SLC44A1: variants seen among roughly 807,000 people sequenced by gnomAD.
SLC44A1 encodes choline transporter-like protein 1.
Under a neutral mutation model 79.3 loss-of-function variants are expected in SLC44A1, and 26 were observed. The observed-to-expected ratio is 0.33, with a 90% CI of 0.24 to 0.46. The LOEUF (loss-of-function observed/expected upper bound fraction) is 0.46, where lower values mean the gene tolerates loss of function less well. Among genes scored for constraint, SLC44A1 ranks in the 20% least tolerant of loss-of-function variants. The pLI is 1.00. For synonymous variants in SLC44A1, 263 were observed against 286.2 expected (o/e 0.92, Z 0.82); for missense variants, 688 against 798.1 (o/e 0.86, Z 1.66).
At chr9:105,288,926 A>T (rs529126821) in intron 1 of SLC44A1, among the ~76,000 whole-genome samples, 1 of 152,352 alleles carries the variant, frequency 6.6e-6, no homozygotes, top group Admixed American at 6.5e-5. Context: ...GCTCAAAGAA[A>T]TCCTTCTTGA....
At chr9:105,286,296 G>T (rs1334921913) in intron 1 of SLC44A1, among the ~76,000 whole-genome samples, 1 of 152,128 alleles carries the variant, frequency 6.6e-6, no homozygotes, top group African/African-American at 2.4e-5. Flanking sequence ...CAACTGTCTG[G>T]TTCACATTCC....
intron 12 of SLC44A1, among the ~76,000 whole-genome samples, chr9:105,368,480 A>G (rs547231822): frequency 6.6e-6 from 1 of 152,074 alleles, no homozygotes; most frequent in African/African-American, 2.4e-5. Context: ...TTATTTTCTC[A>G]TCTGTTTCAT....
At chr9:105,288,930 T>G (rs1169602677) in intron 1 of SLC44A1, among the ~76,000 whole-genome samples, 1 of 152,164 alleles carries the variant, frequency 6.6e-6, no homozygotes, top group Non-Finnish European at 1.5e-5. Context: ...AAAGAAATCC[T>G]TCTTGAAAGA....
At chr9:105,421,189 G>C (rs1383903766) in intron 15 of SLC44A1, among the ~76,000 whole-genome samples, 3 of 152,070 alleles carry the variant, frequency 2.0e-5, no homozygotes, top group African/African-American at 7.2e-5. Context: ...TGTGATAAAT[G>C]GAATGCATTA....
intron 1 of SLC44A1, among the ~76,000 whole-genome samples, chr9:105,280,481 A>G (rs1830323681): frequency 6.6e-6 from 1 of 152,270 alleles, no homozygotes; most frequent in African/African-American, 2.4e-5. Flanking sequence ...GTAATAGTCT[A>G]CACATAGACC....
At chr9:105,287,966 A>T (rs535611388) in intron 1 of SLC44A1, among the ~76,000 whole-genome samples, 1 of 152,356 alleles carries the variant, frequency 6.6e-6, no homozygotes, top group South Asian at 2.1e-4. Context: ...CATAATCTGG[A>T]TAAATGGGAG....
intron 10 of SLC44A1, 106 bp from the exon 11 acceptor site, chr9:105,365,377 G>T: frequency 1.3e-6 from 1 of 767,664 alleles, no homozygotes; most frequent in Non-Finnish European, 2.1e-6. Flanking sequence ...AAATAAGAAT[G>T]ATGAGCTGAT....
At chr9:105,314,896 C>T (rs184722270) in intron 3 of SLC44A1, among the ~76,000 whole-genome samples, 1 of 152,258 alleles carries the variant, frequency 6.6e-6, no homozygotes, top group East Asian at 1.9e-4. Context: ...TAAAACAATC[C>T]TTGAGATCAT....
intron 15 of SLC44A1, among the ~76,000 whole-genome samples, chr9:105,424,618 G>A (rs1450405108): frequency 6.6e-6 from 1 of 152,104 alleles, no homozygotes; most frequent in Non-Finnish European, 1.5e-5. Flanking sequence ...ATCAACAATG[G>A]TGATAAATAA....
chr9:105,369,312 C>A (rs993297922), intron 12 of SLC44A1, among the ~76,000 whole-genome samples: 1 of 152,182 alleles, frequency 6.6e-6, no homozygotes, highest in Admixed American at 6.5e-5. Context: ...AAGGCACCAG[C>A]AAATTCAGTG....
chr9:105,378,120 C>T (rs1055384587), intron 13 of SLC44A1, among the ~76,000 whole-genome samples: 1 of 152,094 alleles, frequency 6.6e-6, no homozygotes, highest in African/African-American at 2.4e-5. Flanking sequence ...TATAGTGGTA[C>T]ATGCCTGTAA....
In SLC44A1 at chr9:105,394,393, C is replaced by G; in HGVS notation, c.*5337C>G. 1 of 981,166 alleles carries G rather than the reference C, an allele frequency of 1.0e-6. No homozygotes were observed. Among genetic ancestry groups the G allele is most frequent in the East Asian group, 1.2e-4 (1 of 8,602 alleles). The allele number at this position is 981,166 out of a possible 1,614,324, so 60.8% of individuals were successfully genotyped here. A position where few individuals can be genotyped will look rare whatever the true frequency, so the allele number is the denominator to read the frequency against. On this transcript the variant is annotated 3_prime_UTR_variant, in exon 16 of 16. Coordinates refer to ENST00000374720, the MANE Select transcript of SLC44A1 (RefSeq NM_080546.5). ...TGAATCTTCATGACAGTAAGATTTT[C>G]TTTCCTTGGAGGTATGAGGGTGTGT...
At chr9:105,363,621 T>C (rs113670898) in intron 9 of SLC44A1, among the ~76,000 whole-genome samples, 1 of 152,058 alleles carries the variant, frequency 6.6e-6, no homozygotes, top group African/African-American at 2.4e-5. Context: ...TGCACCACCA[T>C]GCCTGGCTAA....
chr9:105,435,504 T>G (rs989516355), intron 15 of SLC44A1, among the ~76,000 whole-genome samples: 1 of 151,580 alleles, frequency 6.6e-6, no homozygotes, highest in Non-Finnish European at 1.5e-5. Flanking sequence ...TGGGGGGAGG[T>G]CACAAGGCAC....
At chr9:105,323,935 C>T (rs750055426) in intron 3 of SLC44A1, among the ~76,000 whole-genome samples, 2 of 152,090 alleles carry the variant, frequency 1.3e-5, no homozygotes, top group African/African-American at 4.8e-5. Context: ...CCTTTTTTGC[C>T]CACTGCAGCC....
exon 16 of SLC44A1, chr9:105,438,442 A>G (rs1425393750): frequency 1.5e-6 from 1 of 649,348 alleles, no homozygotes; most frequent in African/African-American, 1.8e-5. Context: ...CAAACCACCA[A>G]CAGCCAAGTG....
intron 10 of SLC44A1, 74 bp downstream of exon 10, chr9:105,364,794 T>G: frequency 4.1e-5 from 42 of 1,013,748 alleles, no homozygotes; most frequent in Non-Finnish European, 6.1e-5. Context: ...GGGAAGGGAA[T>G]CAGACTGGGG....
At chr9:105,254,617 ACTT>A (rs1283658259) in intron 1 of SLC44A1, among the ~76,000 whole-genome samples, 1 of 152,120 alleles carries the variant, frequency 6.6e-6, no homozygotes, top group African/African-American at 2.4e-5. Flanking sequence ...CCCATTATGA[ACTT>A]CACAGTTCGT....
chr9:105,438,000 A>G (rs1427523190), intron 15 of SLC44A1, among the ~76,000 whole-genome samples: 1 of 152,234 alleles, frequency 6.6e-6, no homozygotes, highest in Non-Finnish European at 1.5e-5. Flanking sequence ...AATCCTTACA[A>G]CAACCTTAAG....
Sources: gnomAD v4.1 joint callset for allele counts (sites outside exome capture counted in the v4.1 genomes callset) on GRCh38, gnomAD v4.1.1 for gene constraint, MANE v1.5 for transcripts, NCBI Gene and HGNC (gene_info 2026-07-23, HGNC 2026-07-21) for gene names.